The following GLCE variants were observed in gnomAD, a reference collection of about 807,000 sequenced individuals.
GLCE encodes the protein glucuronic acid epimerase, also known as D-glucuronyl C5-epimerase.
In GLCE, 19 loss-of-function variants were observed where a neutral mutation model predicts 47.9. The ratio of observed to expected loss-of-function variants is 0.40; its 90% CI spans 0.28 to 0.58. The LOEUF (loss-of-function observed/expected upper bound fraction) is 0.58. Ranked by LOEUF, GLCE falls within the 20% of genes least tolerant of loss-of-function variation. The pLI, the probability that GLCE is intolerant of heterozygous loss-of-function variation, is 0.48. For missense variants in GLCE, 556 were observed against 743.3 expected, an observed-to-expected ratio of 0.75 and a Z score of 2.93; for synonymous variants, 245 against 263.4, an observed-to-expected ratio of 0.93 and a Z score of 0.68.
intron 2 of GLCE, among the ~76,000 whole-genome samples, chr15:69,212,745 T>A (rs563290435): frequency 1.3e-5 from 2 of 152,152 alleles, no homozygotes; most frequent in South Asian, 4.1e-4. Flanking sequence ...CAATGTTGAA[T>A]TTTTGAGATG....
intron 1 of GLCE, among the ~76,000 whole-genome samples, chr15:69,164,734 A>T (rs1302328825): frequency 1.3e-5 from 2 of 152,088 alleles, no homozygotes; most frequent in Non-Finnish European, 1.5e-5. Flanking sequence ...CTTCTTTTTA[A>T]AGGTACATGG....
At chr15:69,239,794 A>C (rs1286612315) in intron 2 of GLCE, among the ~76,000 whole-genome samples, 1 of 152,190 alleles carries the variant, frequency 6.6e-6, no homozygotes, top group South Asian at 2.1e-4. Context: ...GAAAATTGAT[A>C]AAGATTTAAT....
intron 1 of GLCE, among the ~76,000 whole-genome samples, chr15:69,180,374 A>G (rs1215120954): frequency 6.6e-6 from 1 of 152,160 alleles, no homozygotes; most frequent in Non-Finnish European, 1.5e-5. Flanking sequence ...CTGAGAAGAC[A>G]TACATTTTAG....
chr15:69,265,959 G>A (rs1470297744), intron 4 of GLCE, among the ~76,000 whole-genome samples: 2 of 152,192 alleles, frequency 1.3e-5, no homozygotes, highest in Non-Finnish European at 2.9e-5. Flanking sequence ...GAATCCTGCA[G>A]TGTTTCAGGG....
At chr15:69,185,561 T>C (rs1343619321) in intron 1 of GLCE, among the ~76,000 whole-genome samples, 1 of 152,038 alleles carries the variant, frequency 6.6e-6, no homozygotes, top group Non-Finnish European at 1.5e-5. Flanking sequence ...CTTGCTTCTC[T>C]GTAAGCCTGG....
chr15:69,270,090 A>G lies in GLCE; in HGVS notation c.*846A>G, dbSNP rs774819915. ...TGGAGTTTTGTATATTTTGAGAGAGATATTTTTGGGACATTATTTTGGAAA... is the reference window on the plus strand; with the variant it reads ...TGGAGTTTTGTATATTTTGAGAGAGGTATTTTTGGGACATTATTTTGGAAA... On this transcript the variant is annotated 3_prime_UTR_variant, in exon 5 of 5. Coordinates refer to ENST00000261858, the MANE Select transcript of GLCE (RefSeq NM_015554.3). 1.0e-4 allele frequency: 16 copies of G among 152,466 alleles called. No homozygotes were observed. Among genetic ancestry groups the G allele is most frequent in the Non-Finnish European group, 2.2e-4 (15 of 68,006 alleles). The allele number at this position is 152,466 out of a possible 1,614,324, so 9.4% of individuals were successfully genotyped here.
At chr15:69,256,478 A>G in intron 3 of GLCE, 86 bp downstream of exon 3, 3 of 911,256 alleles carry the variant, frequency 3.3e-6, no homozygotes, top group African/African-American at 3.3e-5. Context: ...CATCAAGTAC[A>G]TAGCTTACTG....
chr15:69,209,170 A>G (rs888810973), intron 1 of GLCE, among the ~76,000 whole-genome samples: 53 of 151,954 alleles, frequency 3.5e-4, no homozygotes, highest in South Asian at 6.2e-4. Flanking sequence ...CTCTGTTTCA[A>G]GAATGTTTGC....
chr15:69,225,358 A>G (rs2052432318), intron 2 of GLCE, among the ~76,000 whole-genome samples: 1 of 152,136 alleles, frequency 6.6e-6, no homozygotes, highest in Non-Finnish European at 1.5e-5. Flanking sequence ...AGGATATACC[A>G]GGACTTATAT....
intron 1 of GLCE, among the ~76,000 whole-genome samples, chr15:69,191,114 T>C (rs192102443): frequency 6.6e-6 from 1 of 152,174 alleles, no homozygotes; most frequent in Non-Finnish European, 1.5e-5. Flanking sequence ...ATAAGAAATA[T>C]CTTTTATAGT....
At chr15:69,199,865 C>T (rs1358980043) in intron 1 of GLCE, among the ~76,000 whole-genome samples, 1 of 152,158 alleles carries the variant, frequency 6.6e-6, no homozygotes, top group Non-Finnish European at 1.5e-5. Context: ...GCATCATAGT[C>T]TGGGAACCTC....
rs1239347981 is a variant in GLCE, at chr15:69,268,726, G to A, written c.1336G>A (p.Ala446Thr). ...AGAGCCAGGATGGTATTCTGCCATG[G>A]CCCAAGGGCAAGCCATTTCTACATT... ...SLEPGWYSAMAQGQAISTLVR... is the reference protein window; with the variant it reads ...SLEPGWYSAMTQGQAISTLVR... Residue 446 changes from alanine to threonine, a missense_variant, in exon 5 of 5, where the codon GCC becomes ACC. This residue lies in a region of GLCE where 245 missense variants were observed against 368.1 expected (regional missense o/e 0.67). Transcript: ENST00000261858. 1 of 1,614,168 alleles carries A rather than the reference G, an allele frequency of 6.2e-7. No individual in the cohort carries two copies. The highest frequency in any genetic ancestry group is 8.5e-7 in the Non-Finnish European group (1 of 1,180,008).
intron 2 of GLCE, among the ~76,000 whole-genome samples, chr15:69,229,198 A>G (rs1261666576): frequency 1.3e-5 from 2 of 152,252 alleles, no homozygotes; most frequent in Non-Finnish European, 2.9e-5. Context: ...GAAAGACATA[A>G]TAATTCTAAA....
chr15:69,215,038 A>G (rs924070983), intron 2 of GLCE, among the ~76,000 whole-genome samples: 4 of 152,162 alleles, frequency 2.6e-5, no homozygotes, highest in Non-Finnish European at 5.9e-5. Flanking sequence ...ATTTTGTCAC[A>G]GTTCACATTC....
At position 69,268,561 on chromosome 15, in the gene GLCE, C is replaced by G; in HGVS notation, c.1171C>G (p.Leu391Val). 36 of 1,614,172 alleles carry G rather than the reference C, an allele frequency of 2.2e-5. No homozygotes were observed. Among genetic ancestry groups the G allele is most frequent in the Non-Finnish European group, 3.0e-5 (35 of 1,180,010 alleles). ...GTTGATTGCAAAAGGTAAGGGATTC[C>G]TCGACAACATTACCATCTCTACCAC... ...VRLIAKGKGFLDNITISTTAH... is the reference protein window; with the variant it reads ...VRLIAKGKGFVDNITISTTAH... The change falls in exon 5 of 5, where the codon CTC (leucine) becomes GTC (valine). Residue 391 changes from leucine to valine, a missense_variant. This residue lies in a region of GLCE where 245 missense variants were observed against 368.1 expected (regional missense o/e 0.67). Transcript: ENST00000261858.
intron 2 of GLCE, among the ~76,000 whole-genome samples, chr15:69,211,301 C>T (rs912336072): frequency 3.9e-5 from 6 of 151,930 alleles, no homozygotes; most frequent in African/African-American, 1.2e-4. Flanking sequence ...ACTATTCACA[C>T]GAATGTATTT....
At chr15:69,219,550 A>C (rs1217728372) in intron 2 of GLCE, among the ~76,000 whole-genome samples, 1 of 152,180 alleles carries the variant, frequency 6.6e-6, no homozygotes, top group African/African-American at 2.4e-5. Flanking sequence ...AGTAATCACA[A>C]GACTTGGGTC....
At position 69,160,716 on chromosome 15, in the gene GLCE, C is replaced by T. The variant is rs1023295542; in HGVS notation, c.-146C>T. 2 of 152,876 alleles carry T rather than the reference C, an allele frequency of 1.3e-5. No homozygotes were observed. Among genetic ancestry groups the T allele is most frequent in the South Asian group, 2.1e-4 (1 of 4,838 alleles). The allele number at this position is 152,876 out of a possible 1,614,324, so 9.5% of individuals were successfully genotyped here. A position where few individuals can be genotyped will look rare whatever the true frequency, so the allele number is the denominator to read the frequency against. ...CCCTTCTCTGCTGTCTCCTTCTCTTCCTCAGGGCTCCCGTGTCTGCTCGCC... is the reference window on the plus strand; with the variant it reads ...CCCTTCTCTGCTGTCTCCTTCTCTTTCTCAGGGCTCCCGTGTCTGCTCGCC... On this transcript the variant is annotated 5_prime_UTR_variant, in exon 1 of 5. Coordinates refer to ENST00000261858, the MANE Select transcript of GLCE (RefSeq NM_015554.3). This position sits in a 1 kb window ranked among gnomAD's most constrained non-coding sequence, Gnocchi z 4.2.
intron 2 of GLCE, among the ~76,000 whole-genome samples, chr15:69,236,430 C>G (rs1479715933): frequency 6.6e-6 from 1 of 152,030 alleles, no homozygotes; most frequent in Admixed American, 6.6e-5. Flanking sequence ...ATTTGAGACA[C>G]GCCTTTTAAA....
Sources: allele counts gnomAD v4.1 joint callset (sites outside exome capture counted in the v4.1 genomes callset), GRCh38; gene constraint gnomAD v4.1.1; regional missense constraint gnomAD v4.1.1; non-coding constraint Gnocchi (gnomAD v3.1); transcripts MANE v1.5; gene names NCBI Gene and HGNC (gene_info 2026-07-23, HGNC 2026-07-21).